Variants in NUDCD1 observed in about 807,000 individuals in gnomAD.
NUDCD1 encodes the protein nudC domain-containing protein 1.
A neutral mutation model predicts 67.8 loss-of-function variants in NUDCD1; 60 were observed. That is an observed-to-expected ratio of 0.88 (90% CI 0.72 to 1.10). The LOEUF (loss-of-function observed/expected upper bound fraction) is 1.10, where lower values mean the gene tolerates loss of function less well. Ranked by LOEUF, NUDCD1 falls within the 50% of genes least tolerant of loss-of-function variation. The probability of loss-of-function intolerance (pLI) is 0.00; values close to 1 mark genes in which losing one functional copy is unlikely to be tolerated. For synonymous variants in NUDCD1, 244 were observed against 230.8 expected, an observed-to-expected ratio of 1.06 and a Z score of -0.52; for missense variants, 643 against 695.0, an observed-to-expected ratio of 0.93 and a Z score of 0.84.
rs943618434 is a variant in NUDCD1 at position 109,266,273 on chromosome 8, C to T, written c.1299+4732G>A. On this transcript the variant is annotated intron_variant, in intron 8 of 9. Transcript: ENST00000239690. ...CGGAGTCTCGCTGTGTCACCCAGGC[C>T]GGAGTGCAGTGGCGCGATCTCGGCT... 6.6e-5 allele frequency among the ~76,000 whole-genome samples: 10 copies of T among 151,404 alleles called. No homozygotes were observed. In the East Asian group the frequency reaches 1.7e-3, roughly 26 times the overall value.
At chr8:109,265,782 T>A (rs1381147226) in intron 8 of NUDCD1, among the ~76,000 whole-genome samples, 1 of 152,142 alleles carries the variant, frequency 6.6e-6, no homozygotes, top group Non-Finnish European at 1.5e-5. Context: ...ATCCCTTGCA[T>A]GCACAGTTCA....
intron 1 of NUDCD1, among the ~76,000 whole-genome samples, chr8:109,324,165 T>C (rs1815608408): frequency 6.6e-6 from 1 of 151,202 alleles, no homozygotes; most frequent in African/African-American, 2.4e-5. Flanking sequence ...TGCAAACTAT[T>C]CAATCGTAAG....
At position 109,334,040 on chromosome 8, in the gene NUDCD1, A is replaced by C. The variant is rs771746265; in HGVS notation, c.-30T>G. ...TTCCAGGGCCGCAGCGTGAGAATTA[A>C]TAAAGCCCTTGTTGAAAGGTCCGCG... On this transcript the variant is annotated 5_prime_UTR_variant, in exon 1 of 10. Transcript: ENST00000239690. 3.7e-6 allele frequency: 6 copies of C among 1,613,694 alleles called. No individual in the cohort carries two copies. Among genetic ancestry groups the C allele is most frequent in the East Asian group, 2.2e-5 (1 of 44,888 alleles).
chr8:109,308,189 G>A (rs567616965), intron 2 of NUDCD1, among the ~76,000 whole-genome samples: 3 of 152,222 alleles, frequency 2.0e-5, no homozygotes, highest in East Asian at 3.9e-4. Flanking sequence ...TCAAAACCAC[G>A]TAAATACATG....
rs752355075 is a variant in NUDCD1 at position 109,281,122 on chromosome 8, G to A, written c.874C>T (p.Arg292Trp). ...QTEDDLTVTIRLPEDSTKEDI... is the reference protein window; with the variant it reads ...QTEDDLTVTIWLPEDSTKEDI... The stretch of plus-strand genomic sequence containing the variant: ...TCCTTAGTACTGTCTTCTGGAAGCC[G>A]TATGGTTACTGTCAAATCATCTTCA... Residue 292 changes from arginine (R) to tryptophan (W), a missense_variant, in exon 6 of 10, where the codon CGG becomes TGG. Arg to Trp is a moderately radical substitution (Grantham distance 101). Transcript: ENST00000239690. The A allele has an allele frequency of 3.0e-5, 48 of 1,613,180 alleles. No individual in the cohort carries two copies. The highest frequency in any genetic ancestry group is 2.9e-5 in the Non-Finnish European group (34 of 1,179,450).
At chr8:109,291,465 T>A (rs1586283440) in intron 4 of NUDCD1, among the ~76,000 whole-genome samples, 1 of 152,300 alleles carries the variant, frequency 6.6e-6, no homozygotes, top group South Asian at 2.1e-4. Context: ...TTACTCACAA[T>A]TTTTAGAAAC....
At chr8:109,316,321 A>G (rs911250434) in intron 2 of NUDCD1, 2 of 152,184 alleles carry the variant, frequency 1.3e-5, no homozygotes, top group African/African-American at 4.8e-5. Context: ...CTGTCTTTAT[A>G]AACCAGTATG....
chr8:109,278,426 T>C (rs1471022240), intron 6 of NUDCD1, among the ~76,000 whole-genome samples: 1 of 152,196 alleles, frequency 6.6e-6, no homozygotes, highest in Non-Finnish European at 1.5e-5. Flanking sequence ...AATTGAGGTG[T>C]AATTTATAAA....
intron 1 of NUDCD1, among the ~76,000 whole-genome samples, chr8:109,331,591 A>G (rs951068825): frequency 3.3e-5 from 5 of 152,104 alleles, no homozygotes; most frequent in Non-Finnish European, 7.4e-5. Context: ...CACAGAATCT[A>G]AGATTAACGC....
At chr8:109,251,667 T>C (rs1315260261) in intron 8 of NUDCD1, among the ~76,000 whole-genome samples, 2 of 152,184 alleles carry the variant, frequency 1.3e-5, no homozygotes, top group Non-Finnish European at 1.5e-5. Flanking sequence ...TTCCTCAGTC[T>C]GGCTAGAGAC....
chr8:109,319,930 C>T (rs868397954), intron 2 of NUDCD1, among the ~76,000 whole-genome samples: 4 of 152,072 alleles, frequency 2.6e-5, no homozygotes, highest in Admixed American at 1.3e-4. Flanking sequence ...CATCACATGT[C>T]AGTAGGTTCC....
chr8:109,251,015 T>G (rs1813610178), intron 8 of NUDCD1, among the ~76,000 whole-genome samples: 1 of 152,194 alleles, frequency 6.6e-6, no homozygotes, highest in Non-Finnish European at 1.5e-5. Flanking sequence ...TCTCTTCAAC[T>G]TTCTAGAAGT....
At chr8:109,275,107 C>T (rs1814251465) in intron 7 of NUDCD1, among the ~76,000 whole-genome samples, 1 of 151,446 alleles carries the variant, frequency 6.6e-6, no homozygotes, top group African/African-American at 2.5e-5. Context: ...AATACATACG[C>T]ACACATAAAC....
At chr8:109,247,115 G>A (rs1451766932) in intron 8 of NUDCD1, among the ~76,000 whole-genome samples, 1 of 152,108 alleles carries the variant, frequency 6.6e-6, no homozygotes, top group Non-Finnish European at 1.5e-5. Flanking sequence ...GTGGCTAGAT[G>A]AGGTTTATTT....
intron 5 of NUDCD1, among the ~76,000 whole-genome samples, chr8:109,283,441 C>G (rs1014323269): frequency 2.6e-5 from 4 of 152,038 alleles, no homozygotes; most frequent in Non-Finnish European, 5.9e-5. Context: ...AAATCCAGAA[C>G]CCCTGAGAAA....
At chr8:109,322,227 T>C in intron 2 of NUDCD1, 82 bp downstream of exon 2, 1 of 688,680 alleles carries the variant, frequency 1.5e-6, no homozygotes. Flanking sequence ...CTCTGGATAT[T>C]AGATTCAAAA....
intron 8 of NUDCD1, among the ~76,000 whole-genome samples, chr8:109,270,082 GTGCCTTA>G (rs1464549827): frequency 2.6e-5 from 1 of 38,444 alleles, no homozygotes; most frequent in African/African-American, 1.4e-4. Context: ...GGGGGGGGGG[GTGCCTTA>G]AGGTGGGGTG....
chr8:109,326,062 G>T (rs893236444), intron 1 of NUDCD1, among the ~76,000 whole-genome samples: 1 of 152,192 alleles, frequency 6.6e-6, no homozygotes, highest in Non-Finnish European at 1.5e-5. Flanking sequence ...CAGGAAAACT[G>T]CATGGTAACA....
In NUDCD1 at chr8:109,241,997, T is replaced by C. The variant is rs1218762587; in HGVS notation, c.*1012A>G. 2 of 397,412 alleles carry C rather than the reference T, an allele frequency of 5.0e-6. No individual in the cohort carries two copies. Among genetic ancestry groups the C allele is most frequent in the Non-Finnish European group, 8.9e-6 (2 of 225,308 alleles). 24.6% of individuals were successfully genotyped at this position (397,412 alleles called of 1,614,324 possible). A position where few individuals can be genotyped will look rare whatever the true frequency, so the allele number is the denominator to read the frequency against. On this transcript the variant is annotated 3_prime_UTR_variant, in exon 10 of 10. Coordinates refer to ENST00000239690, the MANE Select transcript of NUDCD1 (RefSeq NM_032869.4). ...ATTTGTGGCAAGAAACTATAACATA[T>C]AAACAGGATTATTTTGTTGAAGTTG... is the stretch of plus-strand genomic sequence containing the variant.
Sources: allele counts gnomAD v4.1 joint callset (sites outside exome capture counted in the v4.1 genomes callset), GRCh38; gene constraint gnomAD v4.1.1; transcripts MANE v1.5; gene names NCBI Gene and HGNC (gene_info 2026-07-23, HGNC 2026-07-21).